Variants in CNGB1 observed in about 807,000 individuals in gnomAD.
The protein encoded by CNGB1 is cyclic nucleotide-gated channel beta-1.
CNGB1 carries 126 observed loss-of-function variants against 151.7 expected under a neutral mutation model. The observed-to-expected ratio is 0.83, with a 90% CI of 0.72 to 0.96. CNGB1 has a LOEUF of 0.96. Among genes scored for constraint, CNGB1 ranks in the 40% least tolerant of loss-of-function variants. CNGB1 has a pLI of 0.00. For synonymous variants in CNGB1, 623 were observed against 635.1 expected (o/e 0.98, Z 0.29); for missense variants, 1,698 against 1,627.0 (o/e 1.04, Z -0.75).
intron 31 of CNGB1, 79 bp downstream of exon 31, chr16:57,897,318 A>T (rs1960256586): frequency 1.8e-4 from 245 of 1,336,512 alleles, no homozygotes; most frequent in Non-Finnish European, 2.3e-4. Flanking sequence ...AAAAAAAAAA[A>T]GATAAAGGTA....
At position 57,964,668 on chromosome 16, in the gene CNGB1, G is replaced by T. The variant is rs537490721; in HGVS notation, c.160-124C>A. ...AAGACCTGAACGACTCTTTCCTCAG[G>T]ATCATCTCTGTAAATCCTGTTGGCC... On this transcript the variant is annotated intron_variant, in intron 2 of 32. Transcript: ENST00000251102. 6.8e-5 allele frequency: 64 copies of T among 940,338 alleles called. No homozygotes were observed. In the African/African-American group the frequency reaches 9.4e-4, roughly 14 times the overall value. 58.2% of individuals were successfully genotyped at this position (940,338 alleles called of 1,614,324 possible).
At chr16:57,938,335 G>T (rs1356287801) in intron 16 of CNGB1, among the ~76,000 whole-genome samples, 3 of 152,160 alleles carry the variant, frequency 2.0e-5, no homozygotes, top group African/African-American at 7.2e-5. Flanking sequence ...ACTTTTCAAA[G>T]ACCAAGTAGG....
intron 29 of CNGB1, among the ~76,000 whole-genome samples, chr16:57,899,608 C>T (rs899730720): frequency 6.6e-6 from 1 of 151,972 alleles, no homozygotes; most frequent in Non-Finnish European, 1.5e-5. Flanking sequence ...CCACTGCACT[C>T]CACCCTGGGA....
At chr16:57,933,724 C>CTTTT (rs5817126) in intron 16 of CNGB1, among the ~76,000 whole-genome samples, 4 of 119,550 alleles carry the variant, frequency 3.3e-5, no homozygotes, top group Non-Finnish European at 3.6e-5. Flanking sequence ...CTTTTCTTTT[C>CTTTT]TTTTTTTTTT....
At chr16:57,956,755 C>T (rs1180766551) in intron 12 of CNGB1, among the ~76,000 whole-genome samples, 4 of 152,318 alleles carry the variant, frequency 2.6e-5, no homozygotes, top group South Asian at 2.1e-4. Context: ...GCCTGTCCAC[C>T]GCATGCCTCT....
chr16:57,915,210 T>G, intron 23 of CNGB1, 39 bp downstream of exon 23: 555 of 1,535,716 alleles, frequency 3.6e-4, no homozygotes, highest in Non-Finnish European at 4.6e-4. Context: ...AGAGCAGGGA[T>G]GAGCTGAAGG....
In CNGB1 at chr16:57,955,216, T is replaced by G; in HGVS notation, c.874+2125A>C. ...CTGGGAGTGTGTGGAGAGGGAGGGG[T>G]TCGCTGTTCAAATAGGGTGGGGTGT... is the stretch of plus-strand genomic sequence containing the variant. On this transcript the variant is annotated intron_variant, in intron 12 of 32. Coordinates refer to ENST00000251102, the MANE Select transcript of CNGB1 (RefSeq NM_001297.5). The G allele has an allele frequency of 2.0e-6, 3 of 1,533,040 alleles. No homozygotes were observed. The South Asian group carries it at 3.6e-5, about 18-fold the overall frequency. The allele number at this position is 1,533,040 out of a possible 1,614,324, so 95.0% of individuals were successfully genotyped here.
chr16:57,953,504 A>T (rs1337092593), intron 12 of CNGB1, among the ~76,000 whole-genome samples: 2 of 151,210 alleles, frequency 1.3e-5, no homozygotes, highest in African/African-American at 4.9e-5. Context: ...AAAAAAAAAA[A>T]AAAAAAAAGA....
chr16:57,920,570 G>T, intron 18 of CNGB1, 26 bp from the exon 19 acceptor site: 1 of 1,608,724 alleles, frequency 6.2e-7, no homozygotes, highest in Non-Finnish European at 8.5e-7. Flanking sequence ...CCAAAGCTGA[G>T]CAGGCTGAGC....
intron 27 of CNGB1, 55 bp downstream of exon 27, chr16:57,903,767 C>T (rs1960454412): frequency 6.2e-7 from 1 of 1,608,866 alleles, no homozygotes; most frequent in Middle Eastern, 1.9e-4. Context: ...GCACCGGGCA[C>T]CAGGCGACAG....
At chr16:57,959,310 GAA>G (rs775478486) in intron 10 of CNGB1, among the ~76,000 whole-genome samples, 1 of 142,678 alleles carries the variant, frequency 7.0e-6, no homozygotes. Flanking sequence ...TTCAGGTTAA[GAA>G]AAAAAAAAAA....
intron 14 of CNGB1, among the ~76,000 whole-genome samples, 191 bp downstream of exon 14, chr16:57,949,162 T>C (rs1200926410): frequency 1.3e-5 from 2 of 151,770 alleles, no homozygotes; most frequent in East Asian, 1.9e-4. Context: ...GTGGGTAATA[T>C]GATTCCCAGG....
At chr16:57,967,098 G>A (rs1369459105) in intron 2 of CNGB1, 30 bp downstream of exon 2, 1 of 1,613,772 alleles carries the variant, frequency 6.2e-7, no homozygotes, top group Non-Finnish European at 8.5e-7. Context: ...AGCGAGGCCG[G>A]CCTGCCCCTC....
In CNGB1 at chr16:57,911,769, C is replaced by T. The variant is rs1034133341; in HGVS notation, c.2476G>A (p.Asp826Asn). The stretch of plus-strand genomic sequence containing the variant: ...GTGGCTCACCTGTTTCCCACGCCAT[C>T]GTAAACCCAGTGAGTGGAGCCGAGG... ...QGLGSTHWVY[D>N]GVGNSYIRCY... The change falls in exon 25 of 33, where the codon GAT becomes AAT. Residue 826 changes from aspartate to asparagine, a missense_variant. Asp to Asn is a conservative substitution (Grantham distance 23). Transcript: ENST00000251102. 5.0e-6 allele frequency: 8 copies of T among 1,614,024 alleles called. No homozygotes were observed. The highest frequency in any genetic ancestry group is 5.9e-6 in the Non-Finnish European group (7 of 1,179,934).
chr16:57,930,665 G>C (rs1159559963), intron 17 of CNGB1, among the ~76,000 whole-genome samples: 1 of 152,168 alleles, frequency 6.6e-6, no homozygotes, highest in Non-Finnish European at 1.5e-5. Context: ...ACATTACTCA[G>C]CCTTAAAAAA....
At position 57,929,828 on chromosome 16, in the gene CNGB1, T is replaced by C. The variant is rs532572154; in HGVS notation, c.1535+1888A>G. Among the ~76,000 whole-genome samples, 18 of 152,012 alleles carry C rather than the reference T, an allele frequency of 1.2e-4. No individual in the cohort carries two copies. In the South Asian group the frequency reaches 3.7e-3, roughly 32 times the overall value. On this transcript the variant is annotated intron_variant, in intron 17 of 32. Coordinates refer to ENST00000251102, the MANE Select transcript of CNGB1 (RefSeq NM_001297.5). ...ATGGGGATTAAAATTCGAGAGGAGATTTGGGTGGGGACACAGAGCCAAACC... is the reference window on the plus strand; with the variant it reads ...ATGGGGATTAAAATTCGAGAGGAGACTTGGGTGGGGACACAGAGCCAAACC...
rs199997105 is a variant in CNGB1 at position 57,916,118 on chromosome 16, C to T, written c.2217+11G>A. The T allele has an allele frequency of 6.2e-7, 1 of 1,613,844 alleles. No homozygotes were observed. Among genetic ancestry groups the T allele is most frequent in the African/African-American group, 1.3e-5 (1 of 74,990 alleles). ...CCCGCAGACGCTAAACCTTGCATGC[C>T]CGGCACACACCTTGAAGCGGCGAGA... On this transcript the variant is annotated intron_variant, in intron 22 of 32. Transcript: ENST00000251102.
chr16:57,941,567 T>C lies in CNGB1; in HGVS notation c.1122-1246A>G, dbSNP rs574776138. On this transcript the variant is annotated intron_variant, in intron 14 of 32. Coordinates refer to ENST00000251102, the MANE Select transcript of CNGB1 (RefSeq NM_001297.5). Reference sequence around the variant, plus strand: ...TCCTCCTCCAAATTACCTTGAGAAATCTATAAACGCGGTACACCACAGCAA... The same window carrying C: ...TCCTCCTCCAAATTACCTTGAGAAACCTATAAACGCGGTACACCACAGCAA... 5.9e-5 allele frequency among the ~76,000 whole-genome samples: 9 copies of C among 152,322 alleles called. 1 individual carries two copies. The South Asian group carries it at 8.3e-4, about 14-fold the overall frequency.
At chr16:57,945,481 G>C (rs779235943) in intron 14 of CNGB1, among the ~76,000 whole-genome samples, 18 of 152,230 alleles carry the variant, frequency 1.2e-4, no homozygotes, top group Non-Finnish European at 1.6e-4. Context: ...AAGCCCTTGG[G>C]CTGCCTCTGT....
Sources: gnomAD v4.1 joint callset for allele counts (sites outside exome capture counted in the v4.1 genomes callset) on GRCh38, gnomAD v4.1.1 for gene constraint, MANE v1.5 for transcripts, NCBI Gene and HGNC (gene_info 2026-07-23, HGNC 2026-07-21) for gene names.